Variants in PXDNL observed in about 807,000 individuals in gnomAD.
PXDNL encodes the protein peroxidasin like, also known as probable oxidoreductase PXDNL.
In PXDNL, 145 loss-of-function variants were observed where a neutral mutation model predicts 150.8. The ratio of observed to expected loss-of-function variants is 0.96; its 90% CI spans 0.84 to 1.10. The LOEUF (loss-of-function observed/expected upper bound fraction) is 1.10. Among genes scored for constraint, PXDNL ranks in the 50% least tolerant of loss-of-function variants. The pLI, the probability that PXDNL is intolerant of heterozygous loss-of-function variation, is 0.00. For synonymous variants in PXDNL, 757 were observed against 725.7 expected, an observed-to-expected ratio of 1.04 and a Z score of -0.69; for missense variants, 2,087 against 1,873.9, an observed-to-expected ratio of 1.11 and a Z score of -2.10.
At chr8:51,426,250 G>A (rs370799982) in intron 13 of PXDNL, among the ~76,000 whole-genome samples, 16 of 152,218 alleles carry the variant, frequency 1.1e-4, no homozygotes, top group African/African-American at 3.4e-4. Context: ...TTAACACCAA[G>A]CTTTTCATTC....
intron 3 of PXDNL, among the ~76,000 whole-genome samples, chr8:51,557,284 A>G (rs10112040): frequency 0.28 from 42,561 of 151,994 alleles, 7,548 homozygotes; most frequent in African/African-American, 0.5. Context: ...TAGTTATAAA[A>G]CTGGCAAATA....
chr8:51,745,635 T>C (rs2036975385), intron 1 of PXDNL, among the ~76,000 whole-genome samples: 2 of 152,166 alleles, frequency 1.3e-5, no homozygotes, highest in African/African-American at 4.8e-5. Context: ...GAACATTACC[T>C]TGCCTCCATC....
chr8:51,748,694 C>T (rs1024828092), intron 1 of PXDNL, among the ~76,000 whole-genome samples: 19 of 152,292 alleles, frequency 1.2e-4, no homozygotes, highest in African/African-American at 3.4e-4. Context: ...AAGAACAACA[C>T]GAGGTCACGA....
At chr8:51,665,002 C>A (rs907658662) in intron 1 of PXDNL, among the ~76,000 whole-genome samples, 2 of 152,202 alleles carry the variant, frequency 1.3e-5, no homozygotes, top group African/African-American at 4.8e-5. Context: ...TGGGAGCACC[C>A]GCACAGGAGG....
intron 3 of PXDNL, among the ~76,000 whole-genome samples, chr8:51,560,772 T>C (rs1563464867): frequency 6.6e-6 from 1 of 151,742 alleles, no homozygotes; most frequent in Admixed American, 6.6e-5. Context: ...AAAGTAAAAA[T>C]AGGTAAACTG....
At chr8:51,807,209 A>G (rs1476474917) in intron 1 of PXDNL, among the ~76,000 whole-genome samples, 1 of 152,230 alleles carries the variant, frequency 6.6e-6, no homozygotes, top group Non-Finnish European at 1.5e-5. Context: ...GAAGTACAGC[A>G]ACTTTTGCTT....
intron 1 of PXDNL, among the ~76,000 whole-genome samples, chr8:51,685,629 TACATACAC>T (rs1256877727): frequency 4.6e-5 from 7 of 152,236 alleles, no homozygotes; most frequent in African/African-American, 1.7e-4. Context: ...TTTGTTTACC[TACATACAC>T]ACATACATAC....
At chr8:51,564,078 C>T (rs981326948) in intron 3 of PXDNL, among the ~76,000 whole-genome samples, 1 of 151,952 alleles carries the variant, frequency 6.6e-6, no homozygotes, top group Non-Finnish European at 1.5e-5. Context: ...AAAGATCCTA[C>T]ATTTAATTAC....
chr8:51,576,647 A>G (rs867343138), intron 3 of PXDNL, among the ~76,000 whole-genome samples: 2 of 151,882 alleles, frequency 1.3e-5, no homozygotes, highest in Admixed American at 6.6e-5. Flanking sequence ...CAAAGCAAGA[A>G]GAAAATAATA....
chr8:51,797,414 T>C (rs112813766), intron 1 of PXDNL, among the ~76,000 whole-genome samples: 3 of 152,302 alleles, frequency 2.0e-5, no homozygotes, highest in African/African-American at 7.2e-5. Context: ...TGATCCGATA[T>C]CTAGAAAACC....
At chr8:51,688,672 G>A (rs973856701) in intron 1 of PXDNL, among the ~76,000 whole-genome samples, 9 of 152,044 alleles carry the variant, frequency 5.9e-5, no homozygotes, top group African/African-American at 2.2e-4. Flanking sequence ...CCATCCTGAT[G>A]GCATGGTGCC....
rs149328314 is a variant in PXDNL at position 51,404,216 on chromosome 8, G to C, written c.3557+3851C>G. On this transcript the variant is annotated intron_variant, in intron 17 of 22. Transcript: ENST00000356297. ...TTATCGCAAAGAGCGAAAGAACAAA[G>C]CTTCCACACTGTCGAAAGAGACCGG... Among the ~76,000 whole-genome samples, 311 of 152,344 alleles carry C rather than the reference G, an allele frequency of 2.0e-3. 3 individuals carry two copies. The highest frequency in any genetic ancestry group is 7.2e-3 in the African/African-American group (300 of 41,586).
At chr8:51,428,645 T>C (rs941197401) in intron 12 of PXDNL, among the ~76,000 whole-genome samples, 2 of 152,122 alleles carry the variant, frequency 1.3e-5, no homozygotes, top group Non-Finnish European at 2.9e-5. Flanking sequence ...AAATAGCAAA[T>C]GGATAACCAT....
chr8:51,406,336 T>C (rs1808434743), intron 17 of PXDNL, among the ~76,000 whole-genome samples: 1 of 152,198 alleles, frequency 6.6e-6, no homozygotes, highest in Admixed American at 6.5e-5. Context: ...ATCTTTGAGC[T>C]TCTCCTGGAT....
chr8:51,388,058 G>A (rs1807776062), intron 17 of PXDNL, among the ~76,000 whole-genome samples: 1 of 152,118 alleles, frequency 6.6e-6, no homozygotes, highest in Non-Finnish European at 1.5e-5. Context: ...AATAAATCAA[G>A]TAGGTTATCA....
At chr8:51,726,752 T>A (rs1234781832) in intron 1 of PXDNL, among the ~76,000 whole-genome samples, 1 of 106,666 alleles carries the variant, frequency 9.4e-6, no homozygotes, top group Non-Finnish European at 1.9e-5. Context: ...ATATTTTCAT[T>A]ACATTGAGCC....
Position 51,438,712 on chromosome 8 carries a change from C to CA in PXDNL, c.1525+8291dup, listed in dbSNP as rs961746141. 2.9e-4 allele frequency among the ~76,000 whole-genome samples: 43 copies of CA among 149,732 alleles called. 1 individual carries two copies. Among genetic ancestry groups the CA allele is most frequent in the South Asian group, 1.1e-3 (5 of 4,728 alleles). ...CCTGGGCAACAGAGCAAGACTCCAT[C>CA]AAAAAAAAATGGCACATAAACCAAT... On this transcript the variant is annotated intron_variant, in intron 12 of 22. Transcript: ENST00000356297.
At chr8:51,569,741 A>G (rs1414205093) in intron 3 of PXDNL, among the ~76,000 whole-genome samples, 5 of 151,894 alleles carry the variant, frequency 3.3e-5, no homozygotes, top group Non-Finnish European at 5.9e-5. Flanking sequence ...TCTATATAAG[A>G]AAAAACTGTA....
chr8:51,340,662 T>C (rs1805960879), intron 20 of PXDNL, among the ~76,000 whole-genome samples: 1 of 152,210 alleles, frequency 6.6e-6, no homozygotes, highest in South Asian at 2.1e-4. Flanking sequence ...GAGTTTACAT[T>C]AATCAGGGAA....
Sources: allele counts gnomAD v4.1 joint callset (sites outside exome capture counted in the v4.1 genomes callset), GRCh38; gene constraint gnomAD v4.1.1; transcripts MANE v1.5; gene names NCBI Gene and HGNC (gene_info 2026-07-23, HGNC 2026-07-21).